The following PTGS1 variants were observed in gnomAD, a reference collection of about 807,000 sequenced individuals.
The protein encoded by PTGS1 is prostaglandin-endoperoxide synthase 1, also known as prostaglandin G/H synthase 1.
A neutral mutation model predicts 63.0 loss-of-function variants in PTGS1; 40 were observed. That is an observed-to-expected ratio of 0.63 (90% CI 0.49 to 0.83). The LOEUF is 0.83. PTGS1 is among the 40% of genes least tolerant of loss of function. The pLI, the probability that PTGS1 is intolerant of heterozygous loss-of-function variation, is 0.00. For missense variants in PTGS1, 709 were observed against 786.5 expected (o/e 0.90, Z 1.18); for synonymous variants, 298 against 301.9 (o/e 0.99, Z 0.13).
intron 7 of PTGS1, 106 bp from the exon 8 acceptor site, chr9:122,383,403 T>C: frequency 1.4e-6 from 2 of 1,475,002 alleles, no homozygotes; most frequent in South Asian, 1.3e-5. Context: ...ATCAACAGCC[T>C]TGGCTGAGGG....
Position 122,377,979 on chromosome 9 carries a change from A to T in PTGS1, c.175A>T (p.Thr59Ser). 1.2e-6 allele frequency: 2 copies of T among 1,613,732 alleles called. No individual in the cohort carries two copies. The highest frequency in any genetic ancestry group is 1.7e-6 in the Non-Finnish European group (2 of 1,179,990). Residue 59 changes from threonine to serine, a missense_variant, in exon 3 of 11, where the codon ACC (threonine) becomes TCC (serine). Physicochemically the swap from Thr to Ser is moderately conservative, Grantham distance 58. Transcript: ENST00000362012. ...FGLDRYQCDC[T>S]RTGYSGPNCT... Reference sequence around the variant, plus strand: ...CCTTGACCGCTACCAGTGTGACTGCACCCGCACGGGCTATTCCGGCCCCAA... The same window carrying T: ...CCTTGACCGCTACCAGTGTGACTGCTCCCGCACGGGCTATTCCGGCCCCAA...
At position 122,390,446 on chromosome 9, in the gene PTGS1, G is replaced by A. The variant is rs1838150272; in HGVS notation, c.1444+101G>A. 7 of 1,342,346 alleles carry A rather than the reference G, an allele frequency of 5.2e-6. No homozygotes were observed. The African/African-American group carries it at 8.7e-5, about 17-fold the overall frequency. 83.2% of individuals were successfully genotyped at this position (1,342,346 alleles called of 1,614,324 possible). A position where few individuals can be genotyped will look rare whatever the true frequency, so the allele number is the denominator to read the frequency against. On this transcript the variant is annotated intron_variant, in intron 10 of 10. Coordinates refer to ENST00000362012, the MANE Select transcript of PTGS1 (RefSeq NM_000962.4). ...AGAACGGGACAATACATGCGGCAAT[G>A]TGTAACAACCAGACTTATAATGGGC...
Position 122,392,606 on chromosome 9 carries a change from GC to G in PTGS1, c.*64del. 1 of 1,474,618 alleles carries G rather than the reference GC, an allele frequency of 6.8e-7. No homozygotes were observed. The highest frequency in any genetic ancestry group is 9.3e-7 in the Non-Finnish European group (1 of 1,078,332). 91.3% of individuals were successfully genotyped at this position (1,474,618 alleles called of 1,614,324 possible). On this transcript the variant is annotated 3_prime_UTR_variant, in exon 11 of 11. Transcript: ENST00000362012. ...GTGCTTGTCATTCCAGAGTGCTGAG[GC>G]CAGGGCTGATGGTCTTAAATGCTCA... is the stretch of plus-strand genomic sequence containing the variant.
At chr9:122,382,532 A>G (rs1292110311) in intron 7 of PTGS1, among the ~76,000 whole-genome samples, 1 of 152,378 alleles carries the variant, frequency 6.6e-6, no homozygotes, top group African/African-American at 2.4e-5. Context: ...CAATAGCTGA[A>G]GTATCAGTTT....
Position 122,390,329 on chromosome 9 carries a change from C to T in PTGS1, c.1428C>T (p.Ser476=), listed in dbSNP as rs3842800. 9.6e-4 allele frequency: 1,550 copies of T among 1,614,124 alleles called. 1 individual carries two copies. Among genetic ancestry groups the T allele is most frequent in the Non-Finnish European group, 1.2e-3 (1,437 of 1,179,980 alleles). The change falls in exon 10 of 11, where the codon TCC becomes TCT. Residue 476 remains serine, a synonymous_variant. Transcript: ENST00000362012. ...RKRFGMKPYT[S]FQELVGEKEM... ...GGTTTGGCATGAAACCCTACACCTC[C>T]TTCCAGGAGCTCGTAGGTGAGCAGC...
At chr9:122,381,777 G>A (rs1337976088) in intron 7 of PTGS1, 30 bp downstream of exon 7, 3 of 1,598,124 alleles carry the variant, frequency 1.9e-6, no homozygotes, top group Non-Finnish European at 2.6e-6. Flanking sequence ...TAGGGCAGAG[G>A]GAGGGGTCTC....
intron 2 of PTGS1, among the ~76,000 whole-genome samples, chr9:122,376,924 G>C (rs1330161370): frequency 9.9e-5 from 15 of 151,972 alleles, no homozygotes. Flanking sequence ...GTGGTCTGAG[G>C]GATCTGGGTT....
In PTGS1 at chr9:122,372,433, T is replaced by C. The variant is rs191597812; in HGVS notation, c.94+1161T>C. Among the ~76,000 whole-genome samples, 325 of 152,310 alleles carry C rather than the reference T, an allele frequency of 2.1e-3. 2 individuals carry two copies. The Middle Eastern group carries it at 0.024, about 11-fold the overall frequency. On this transcript the variant is annotated intron_variant, in intron 2 of 10. Coordinates refer to ENST00000362012, the MANE Select transcript of PTGS1 (RefSeq NM_000962.4). Reference sequence around the variant, plus strand: ...AGGAAGACTCATGTGGCCAGCACTTTAAAGTTTACAAAGGTTGGTTGTGGA... The same window carrying C: ...AGGAAGACTCATGTGGCCAGCACTTCAAAGTTTACAAAGGTTGGTTGTGGA...
intron 9 of PTGS1, among the ~76,000 whole-genome samples, chr9:122,388,914 CAG>C (rs1485656261): frequency 1.3e-5 from 2 of 152,210 alleles, no homozygotes; most frequent in East Asian, 1.9e-4. Context: ...TTCACGGATG[CAG>C]AGAGTTAGGG....
At chr9:122,371,008 G>T, upstream of PTGS1, 2 of 1,532,890 alleles carry the variant, frequency 1.3e-6, no homozygotes, top group Non-Finnish European at 1.7e-6. Context: ...GGAGGGGATG[G>T]GCTGGAGCTC....
Position 122,381,600 on chromosome 9 carries a change from C to A in PTGS1, c.678+48C>A, listed in dbSNP as rs199667461. 27 of 1,613,006 alleles carry A rather than the reference C, an allele frequency of 1.7e-5. No individual in the cohort carries two copies. In the Middle Eastern group the frequency reaches 4.9e-4, roughly 29 times the overall value. On this transcript the variant is annotated intron_variant, in intron 6 of 10. Transcript: ENST00000362012. Reference sequence around the variant, plus strand: ...GGACTGCTCTGGACCTAATTTGGCACGCGTATGTCATCGACAGTGGGCCGG... The same window carrying A: ...GGACTGCTCTGGACCTAATTTGGCAAGCGTATGTCATCGACAGTGGGCCGG...
At chr9:122,381,039 G>A (rs944402406) in intron 5 of PTGS1, among the ~76,000 whole-genome samples, 1 of 152,184 alleles carries the variant, frequency 6.6e-6, no homozygotes, top group Non-Finnish European at 1.5e-5. Flanking sequence ...GAGAAAAGCA[G>A]AATGAACTAT....
upstream of PTGS1, chr9:122,370,714 GGGTATGT>G: frequency 2.1e-6 from 1 of 474,566 alleles, no homozygotes; most frequent in Non-Finnish European, 3.8e-6. Context: ...CTGCGGGGCA[GGGTATGT>G]GGTTCAGACG....
upstream of PTGS1, chr9:122,370,844 TA>T: frequency 1.6e-6 from 1 of 634,202 alleles, no homozygotes; most frequent in Non-Finnish European, 2.7e-6. Flanking sequence ...ATCAGAAACG[TA>T]AGTGCTTCAA....
intron 9 of PTGS1, among the ~76,000 whole-genome samples, chr9:122,389,968 A>C (rs1838103764): frequency 1.3e-5 from 2 of 152,024 alleles, no homozygotes; most frequent in Non-Finnish European, 2.9e-5. Context: ...TCTAAAAAAA[A>C]ACCCACAAAA....
At chr9:122,379,332 T>G (rs1160377692) in intron 5 of PTGS1, among the ~76,000 whole-genome samples, 1 of 152,210 alleles carries the variant, frequency 6.6e-6, no homozygotes, top group Non-Finnish European at 1.5e-5. Context: ...ATTTTTTTCT[T>G]TCGTTACTCA....
intron 8 of PTGS1, among the ~76,000 whole-genome samples, chr9:122,384,516 T>C (rs1431627192): frequency 6.6e-6 from 1 of 152,100 alleles, no homozygotes; most frequent in South Asian, 2.1e-4. Context: ...GACCTTGACC[T>C]GAGAGAGCTG....
Position 122,378,538 on chromosome 9 carries a change from T to A in PTGS1, c.317T>A (p.Phe106Tyr). The A allele has an allele frequency of 6.2e-7, 1 of 1,614,232 alleles. No homozygotes were observed. The change falls in exon 4 of 11, where the codon TTC (phenylalanine) becomes TAC (tyrosine). Residue 106 changes from phenylalanine (F) to tyrosine (Y), a missense_variant. Physicochemically the swap from Phe to Tyr is conservative, Grantham distance 22. Coordinates refer to ENST00000362012, the MANE Select transcript of PTGS1 (RefSeq NM_000962.4). ...RWFWEFVNAT[F>Y]IREMLMRLVL... ...TTCTGGGAGTTTGTCAATGCCACCTTCATCCGAGAGATGCTCATGCGCCTG... is the reference window on the plus strand; with the variant it reads ...TTCTGGGAGTTTGTCAATGCCACCTACATCCGAGAGATGCTCATGCGCCTG...
chr9:122,392,416 G>A lies in PTGS1; in HGVS notation c.1672G>A (p.Val558Ile). The A allele has an allele frequency of 6.2e-7, 1 of 1,614,126 alleles. No individual in the cohort carries two copies. Among genetic ancestry groups the A allele is most frequent in the Non-Finnish European group, 8.5e-7 (1 of 1,180,036 alleles). The stretch of plus-strand genomic sequence containing the variant: ...TGGCGGCGAGGTGGGCTTTAACATT[G>A]TCAAGACGGCCACACTGAAGAAGCT... ...TFGGEVGFNI[V>I]KTATLKKLVC... Residue 558 changes from valine (V) to isoleucine (I), a missense_variant, in exon 11 of 11, where the codon GTC becomes ATC. Transcript: ENST00000362012.
Sources: allele counts gnomAD v4.1 joint callset (sites outside exome capture counted in the v4.1 genomes callset), GRCh38; gene constraint gnomAD v4.1.1; transcripts MANE v1.5; gene names NCBI Gene and HGNC (gene_info 2026-07-23, HGNC 2026-07-21).